Variants in PDZD2 observed in about 807,000 individuals in gnomAD.
The protein encoded by PDZD2 is PDZ domain-containing protein 2.
In PDZD2, 90 loss-of-function variants were observed where a neutral mutation model predicts 220.7. The observed-to-expected ratio is 0.41, with a 90% confidence interval of 0.34 to 0.49. The LOEUF (loss-of-function observed/expected upper bound fraction) is 0.49, where lower values mean the gene tolerates loss of function less well. Ranked by LOEUF, PDZD2 falls within the 20% of genes least tolerant of loss-of-function variation. The pLI is 0.28. For synonymous variants in PDZD2, 1,375 were observed against 1,450.5 expected, an observed-to-expected ratio of 0.95 and a Z score of 1.18; for missense variants, 3,174 against 3,608.5, an observed-to-expected ratio of 0.88 and a Z score of 3.08.
At chr5:32,014,262 G>C (rs906856050) in intron 6 of PDZD2, among the ~76,000 whole-genome samples, 1 of 152,042 alleles carries the variant, frequency 6.6e-6, no homozygotes, top group Admixed American at 6.6e-5. Context: ...CGTGTACTCC[G>C]AGCACTTAAG....
chr5:32,025,078 G>T (rs370876728), intron 6 of PDZD2, among the ~76,000 whole-genome samples: 4 of 152,238 alleles, frequency 2.6e-5, no homozygotes, highest in East Asian at 3.9e-4. Context: ...TTAAAGAAGC[G>T]CCTGCCCTTA....
intron 2 of PDZD2, among the ~76,000 whole-genome samples, chr5:31,856,943 A>G (rs538959876): frequency 6.6e-6 from 1 of 150,618 alleles, no homozygotes; most frequent in African/African-American, 2.5e-5. Context: ...TATAACTTTA[A>G]AAAGTCAAAT....
intron 2 of PDZD2, among the ~76,000 whole-genome samples, chr5:31,970,074 T>C (rs1749160267): frequency 1.3e-5 from 2 of 151,944 alleles, no homozygotes. Flanking sequence ...AATTTTGTAT[T>C]TTTAGTGGAG....
At chr5:31,840,791 C>T (rs949003751) in intron 2 of PDZD2, 201 of 804,658 alleles carry the variant, frequency 2.5e-4, no homozygotes, top group African/African-American at 3.3e-4. Context: ...AGACTCTTCC[C>T]GTTTTGCCAT....
rs759727030 is a variant in PDZD2 at position 32,089,088 on chromosome 5, G to T, written c.5640G>T (p.Lys1880Asn). 9.9e-6 allele frequency: 16 copies of T among 1,614,080 alleles called. No homozygotes were observed. Among genetic ancestry groups the T allele is most frequent in the Non-Finnish European group, 1.3e-5 (15 of 1,180,032 alleles). Reference protein sequence around the residue: ...EMLLTNGQKAKCGPKLKRLSL... With the variant: ...EMLLTNGQKANCGPKLKRLSL... ...TTCTGACTAATGGTCAGAAGGCAAAGTGTGGTCCGAAGCTGAAGAGGCTCA... is the reference window on the plus strand; with the variant it reads ...TTCTGACTAATGGTCAGAAGGCAAATTGTGGTCCGAAGCTGAAGAGGCTCA... Residue 1880 changes from lysine (K) to asparagine (N), a missense_variant, in exon 20 of 25, where the codon AAG becomes AAT. Lys to Asn is a moderately conservative substitution (Grantham distance 94). Around this residue, in one of 4 missense-constraint regions of PDZD2, gnomAD observed 1,861 missense variants for 2,001.0 expected, o/e 0.93. Coordinates refer to ENST00000438447, the MANE Select transcript of PDZD2 (RefSeq NM_178140.4).
chr5:32,098,683 G>A lies in PDZD2; in HGVS notation c.8218+49G>A. 1.3e-6 allele frequency: 2 copies of A among 1,535,944 alleles called. No individual in the cohort carries two copies. Among genetic ancestry groups the A allele is most frequent in the Non-Finnish European group, 1.8e-6 (2 of 1,132,590 alleles). On this transcript the variant is annotated intron_variant, in intron 23 of 24. Coordinates refer to ENST00000438447, the MANE Select transcript of PDZD2 (RefSeq NM_178140.4). This position sits in a 1 kb window ranked among gnomAD's most constrained non-coding sequence, Gnocchi z 4.1. The stretch of plus-strand genomic sequence containing the variant: ...AGCAGGCTGTGAGCTACTGCAGAAA[G>A]AGGAGATTCTGGTTGAACATGAAGG...
At chr5:32,072,382 T>C in intron 17 of PDZD2, 65 bp downstream of exon 17, 2 of 1,288,932 alleles carry the variant, frequency 1.6e-6, no homozygotes, top group East Asian at 2.3e-5. Context: ...GGTTTCCACC[T>C]CTGTGCTGGC....
At chr5:32,058,182 G>A in intron 12 of PDZD2, 79 bp downstream of exon 12, 1 of 762,066 alleles carries the variant, frequency 1.3e-6, no homozygotes, top group Non-Finnish European at 2.3e-6. Context: ...ATTCTTCCTT[G>A]TTGTTCTATG....
Position 31,770,723 on chromosome 5 carries a change from C to G in PDZD2, c.-360-28166C>G, listed in dbSNP as rs923882058. Among the ~76,000 whole-genome samples, 3 of 152,192 alleles carry G rather than the reference C, an allele frequency of 2.0e-5. No homozygotes were observed. In the East Asian group the frequency reaches 5.8e-4, roughly 29 times the overall value. ...ATGGAAACCAGCGGCTGGGAGAGCT[C>G]TACACACTGGGGTTCAGAGGGATGC... On this transcript the variant is annotated intron_variant, in intron 1 of 24. Transcript: ENST00000438447.
intron 2 of PDZD2, among the ~76,000 whole-genome samples, chr5:31,967,080 G>A (rs927945960): frequency 6.6e-6 from 1 of 152,222 alleles, no homozygotes; most frequent in Non-Finnish European, 1.5e-5. Flanking sequence ...TTTGATGGAA[G>A]CTGTTTTGAC....
chr5:31,940,060 C>T (rs1028026980), intron 2 of PDZD2, among the ~76,000 whole-genome samples: 2 of 152,196 alleles, frequency 1.3e-5, no homozygotes, highest in South Asian at 2.1e-4. Context: ...CTCTTAAGAG[C>T]TTTTGTAGGT....
chr5:32,089,459 C>G lies in PDZD2; in HGVS notation c.6011C>G (p.Ala2004Gly). 2 of 1,613,906 alleles carry G rather than the reference C, an allele frequency of 1.2e-6. No homozygotes were observed. Among genetic ancestry groups the G allele is most frequent in the African/African-American group, 1.3e-5 (1 of 75,070 alleles). ...EQGMWSRFHMAVLSEPDRGCP... is the reference protein window; with the variant it reads ...EQGMWSRFHMGVLSEPDRGCP... ...GGCATGTGGAGCAGGTTCCACATGG[C>G]TGTCCTCTCTGAACCCGACAGAGGT... Residue 2004 changes from alanine to glycine, a missense_variant, in exon 20 of 25, where the codon GCT becomes GGT. This residue lies in a region of PDZD2 where 1,861 missense variants were observed against 2,001.0 expected (regional missense o/e 0.93). Coordinates refer to ENST00000438447, the MANE Select transcript of PDZD2 (RefSeq NM_178140.4).
chr5:31,980,645 T>G (rs1750216901), intron 2 of PDZD2, among the ~76,000 whole-genome samples: 1 of 152,230 alleles, frequency 6.6e-6, no homozygotes, highest in African/African-American at 2.4e-5. Context: ...CTACCTACTT[T>G]TAGGATTTTA....
chr5:31,851,238 C>T (rs1758040841), intron 2 of PDZD2, among the ~76,000 whole-genome samples: 1 of 152,136 alleles, frequency 6.6e-6, no homozygotes, highest in African/African-American at 2.4e-5. Context: ...CCCCACAACC[C>T]ACCAGTAAGA....
In PDZD2 at chr5:31,739,433, C is replaced by A. The variant is rs142641269; in HGVS notation, c.-360-59456C>A. ...ATTAGCAGAATAAATTATGTTGATC[C>A]ATTTGTTGTAGTATTATATAGTTAT... On this transcript the variant is annotated intron_variant, in intron 1 of 24. Coordinates refer to ENST00000438447, the MANE Select transcript of PDZD2 (RefSeq NM_178140.4). 1.5e-4 allele frequency among the ~76,000 whole-genome samples: 23 copies of A among 151,988 alleles called. 1 individual carries two copies. The highest frequency in any genetic ancestry group is 5.1e-4 in the African/African-American group (21 of 41,450).
chr5:31,958,633 G>A (rs187794469), intron 2 of PDZD2, among the ~76,000 whole-genome samples: 15 of 151,464 alleles, frequency 9.9e-5, no homozygotes, highest in East Asian at 9.8e-4. Context: ...ACTCCACCCC[G>A]CCCCCGTCAT....
chr5:32,050,933 G>A (rs779031346), intron 8 of PDZD2, among the ~76,000 whole-genome samples: 5 of 152,178 alleles, frequency 3.3e-5, no homozygotes, highest in Non-Finnish European at 7.3e-5. Flanking sequence ...TATGGTAGCC[G>A]TATATGTCTA....
At chr5:32,074,841 C>T (rs547517205) in intron 18 of PDZD2, among the ~76,000 whole-genome samples, 198 bp downstream of exon 18, 8 of 150,208 alleles carry the variant, frequency 5.3e-5, no homozygotes, top group African/African-American at 2.0e-4. Context: ...GATGGAGTTT[C>T]GCTCTGTCAC....
chr5:32,077,138 A>G (rs1430114996), intron 18 of PDZD2, among the ~76,000 whole-genome samples: 3 of 152,246 alleles, frequency 2.0e-5, no homozygotes, highest in Non-Finnish European at 4.4e-5. Context: ...ATGCAATATA[A>G]TAACAATACC....
Sources: allele counts gnomAD v4.1 joint callset (sites outside exome capture counted in the v4.1 genomes callset), GRCh38; gene constraint gnomAD v4.1.1; regional missense constraint gnomAD v4.1.1; non-coding constraint Gnocchi (gnomAD v3.1); transcripts MANE v1.5; gene names NCBI Gene and HGNC (gene_info 2026-07-23, HGNC 2026-07-21).